NRCAM: variants seen among roughly 807,000 people sequenced by gnomAD.
NRCAM encodes neuronal cell adhesion molecule.
NRCAM carries 83 observed loss-of-function variants against 156.5 expected under a neutral mutation model. The observed-to-expected ratio is 0.53, with a 90% CI of 0.44 to 0.64. NRCAM has a LOEUF of 0.64. Among genes scored for constraint, NRCAM ranks in the 30% least tolerant of loss-of-function variants. The pLI is 0.00. For synonymous variants in NRCAM, 538 were observed against 563.9 expected (o/e 0.95, Z 0.65); for missense variants, 1,417 against 1,597.3 (o/e 0.89, Z 1.92).
chr7:108,318,955 G>A (rs1038202276), intron 2 of NRCAM, among the ~76,000 whole-genome samples: 3 of 152,134 alleles, frequency 2.0e-5, no homozygotes, highest in Non-Finnish European at 4.4e-5. Flanking sequence ...AAGATTCTAA[G>A]GCAAATAAAA....
intron 2 of NRCAM, among the ~76,000 whole-genome samples, chr7:108,381,264 G>A (rs2099699789): frequency 6.6e-6 from 1 of 152,052 alleles, no homozygotes. Context: ...CCAATTGTCT[G>A]CAGTGAACAT....
At position 108,192,064 on chromosome 7, in the gene NRCAM, C is replaced by T. The variant is rs539662673; in HGVS notation, c.1779-211G>A. Among the ~76,000 whole-genome samples the T allele has an allele frequency of 1.3e-3, 196 of 152,276 alleles. 1 individual carries two copies. Among genetic ancestry groups the T allele is most frequent in the South Asian group, 0.011 (53 of 4,824 alleles). ...GAATATTGGGTTAGAAGGGATATGT[C>T]CTCTGGCACAGTATTTTTCAACCAG... On this transcript the variant is annotated intron_variant, in intron 17 of 32. Transcript: ENST00000379028.
chr7:108,331,918 T>A (rs1230285785), intron 2 of NRCAM, among the ~76,000 whole-genome samples: 1 of 152,218 alleles, frequency 6.6e-6, no homozygotes, highest in South Asian at 2.1e-4. Context: ...CTACAGGAAG[T>A]AAAAAGAGTG....
At position 108,149,301 on chromosome 7, in the gene NRCAM, G is replaced by A. The variant is rs973461129; in HGVS notation, c.*609C>T. ...TACGGAGTAACAGGAGCCAAGAGTA[G>A]GTAATAGTTCTCAGTAAGCATCAGC... On this transcript the variant is annotated 3_prime_UTR_variant, in exon 33 of 33. Coordinates refer to ENST00000379028, the MANE Select transcript of NRCAM (RefSeq NM_001037132.4). The A allele has an allele frequency of 6.6e-6, 1 of 152,600 alleles. No individual in the cohort carries two copies. The highest frequency in any genetic ancestry group is 2.4e-5 in the African/African-American group (1 of 41,430). 9.5% of individuals were successfully genotyped at this position (152,600 alleles called of 1,614,324 possible).
chr7:108,450,670 T>C (rs894317526), intron 1 of NRCAM, among the ~76,000 whole-genome samples: 8 of 152,230 alleles, frequency 5.3e-5, no homozygotes, highest in African/African-American at 1.7e-4. Flanking sequence ...AGCACAAGTG[T>C]ATTACAGACA....
At chr7:108,437,029 C>A (rs1833025339) in intron 1 of NRCAM, among the ~76,000 whole-genome samples, 1 of 152,150 alleles carries the variant, frequency 6.6e-6, no homozygotes. Context: ...TGTCCATCAA[C>A]AGATGAATGG....
At chr7:108,236,481 G>C (rs958227636) in intron 5 of NRCAM, among the ~76,000 whole-genome samples, 2 of 151,764 alleles carry the variant, frequency 1.3e-5, no homozygotes, top group African/African-American at 4.8e-5. Flanking sequence ...AGTTTCCAAG[G>C]TGGCCTGATT....
At chr7:108,418,864 T>C (rs1326810503) in intron 1 of NRCAM, among the ~76,000 whole-genome samples, 2 of 152,030 alleles carry the variant, frequency 1.3e-5, no homozygotes, top group Non-Finnish European at 2.9e-5. Context: ...AAGTAACAAG[T>C]CTAATAACAT....
intron 2 of NRCAM, among the ~76,000 whole-genome samples, chr7:108,374,630 C>G (rs2099660986): frequency 6.6e-6 from 1 of 152,074 alleles, no homozygotes; most frequent in Admixed American, 6.6e-5. Flanking sequence ...GATTTCAATT[C>G]AACAAACACT....
chr7:108,155,089 T>A (rs1350255686), intron 32 of NRCAM, among the ~76,000 whole-genome samples: 1 of 79,130 alleles, frequency 1.3e-5, no homozygotes, highest in African/African-American at 8.0e-5. Context: ...TTAAAAGTCA[T>A]ATATATATAT....
chr7:108,368,646 T>C (rs1460622678), intron 2 of NRCAM, among the ~76,000 whole-genome samples: 1 of 152,168 alleles, frequency 6.6e-6, no homozygotes, highest in Non-Finnish European at 1.5e-5. Flanking sequence ...CTCCATCTGT[T>C]TGCATGACTT....
chr7:108,434,632 CAT>C (rs891965322), intron 1 of NRCAM, among the ~76,000 whole-genome samples: 3 of 151,814 alleles, frequency 2.0e-5, no homozygotes, highest in Non-Finnish European at 2.9e-5. Flanking sequence ...TTGAAAATGA[CAT>C]AAAGTTTGAA....
intron 2 of NRCAM, among the ~76,000 whole-genome samples, chr7:108,355,520 AC>A (rs1160598496): frequency 6.6e-6 from 1 of 152,182 alleles, no homozygotes; most frequent in Admixed American, 6.5e-5. Context: ...ATACAATAGT[AC>A]CCCCAGCTTA....
chr7:108,387,879 G>A (rs1449352309), intron 2 of NRCAM, among the ~76,000 whole-genome samples: 1 of 152,136 alleles, frequency 6.6e-6, no homozygotes, highest in African/African-American at 2.4e-5. Context: ...CCCTGCAAAG[G>A]ACATAAACTC....
At chr7:108,303,213 C>T (rs567049218) in intron 3 of NRCAM, among the ~76,000 whole-genome samples, 13 of 152,246 alleles carry the variant, frequency 8.5e-5, no homozygotes, top group African/African-American at 2.4e-4. Flanking sequence ...GCACCCACCT[C>T]GGCCTCCCAA....
intron 3 of NRCAM, among the ~76,000 whole-genome samples, chr7:108,269,771 A>G (rs1471774087): frequency 6.6e-6 from 1 of 152,236 alleles, no homozygotes; most frequent in Non-Finnish European, 1.5e-5. Flanking sequence ...GGTTCAATGC[A>G]AGTTAGAATT....
intron 2 of NRCAM, among the ~76,000 whole-genome samples, chr7:108,314,945 G>A (rs771117679): frequency 1.8e-4 from 28 of 151,948 alleles, no homozygotes; most frequent in Non-Finnish European, 3.5e-4. Context: ...CTAAAAACTG[G>A]CCTCCTTAAC....
intron 2 of NRCAM, among the ~76,000 whole-genome samples, chr7:108,345,050 G>A (rs2099340084): frequency 6.6e-6 from 1 of 152,166 alleles, no homozygotes; most frequent in South Asian, 2.1e-4. Context: ...CTGATGAACA[G>A]GGGATAAAGA....
At chr7:108,231,412 C>T (rs1445711512) in intron 7 of NRCAM, among the ~76,000 whole-genome samples, 2 of 152,240 alleles carry the variant, frequency 1.3e-5, no homozygotes, top group African/African-American at 4.8e-5. Flanking sequence ...CTACATACAT[C>T]ATCAGGAAGA....
Sources: gnomAD v4.1 joint callset for allele counts (sites outside exome capture counted in the v4.1 genomes callset) on GRCh38, gnomAD v4.1.1 for gene constraint, MANE v1.5 for transcripts, NCBI Gene and HGNC (gene_info 2026-07-23, HGNC 2026-07-21) for gene names.